The following SCD variants were observed in gnomAD, a reference collection of about 807,000 sequenced individuals.
SCD encodes the protein acyl-CoA desaturase.
A neutral mutation model predicts 35.7 loss-of-function variants in SCD; 4 were observed. The observed-to-expected ratio is 0.11, with a 90% CI of 0.06 to 0.26. The LOEUF (loss-of-function observed/expected upper bound fraction) is 0.26, where lower values mean the gene tolerates loss of function less well. SCD is among the 10% of genes least tolerant of loss of function. The pLI is 1.00. For missense variants in SCD, 282 were observed against 460.7 expected, an observed-to-expected ratio of 0.61 and a Z score of 3.55; for synonymous variants, 150 against 170.2, an observed-to-expected ratio of 0.88 and a Z score of 0.92.
intron 2 of SCD, among the ~76,000 whole-genome samples, chr10:100,350,369 G>A (rs770458286): frequency 2.6e-5 from 4 of 152,106 alleles, no homozygotes; most frequent in Admixed American, 6.5e-5. Flanking sequence ...GCAACTGGTC[G>A]TGATTCCAGC....
At chr10:100,359,577 C>A (rs1849968328) in intron 5 of SCD, among the ~76,000 whole-genome samples, 1 of 152,140 alleles carries the variant, frequency 6.6e-6, no homozygotes. Flanking sequence ...TGGCATTCTA[C>A]CCCCCTCCTC....
At chr10:100,350,683 A>G (rs1365404353) in intron 2 of SCD, among the ~76,000 whole-genome samples, 2 of 152,330 alleles carry the variant, frequency 1.3e-5, no homozygotes, top group South Asian at 2.1e-4. Flanking sequence ...CCCTGTTAAT[A>G]TAGGATCTTA....
In SCD at chr10:100,347,274, A is replaced by G; in HGVS notation, c.-231A>G. The G allele has an allele frequency of 5.1e-6, 3 of 587,492 alleles. No individual in the cohort carries two copies. Among genetic ancestry groups the G allele is most frequent in the Non-Finnish European group, 9.1e-6 (3 of 330,192 alleles). 36.4% of individuals were successfully genotyped at this position (587,492 alleles called of 1,614,324 possible). On this transcript the variant is annotated 5_prime_UTR_variant, in exon 1 of 6. Transcript: ENST00000370355. Reference sequence around the variant, plus strand: ...TTTGCCCCTGCTTGGCAGCGGATAAAAGGGGGCTGAGGAAATACCGGACAC... The same window carrying G: ...TTTGCCCCTGCTTGGCAGCGGATAAGAGGGGGCTGAGGAAATACCGGACAC...
chr10:100,348,102 G>A lies in SCD; in HGVS notation c.66G>A (p.Ala22=), dbSNP rs1284466001. The A allele has an allele frequency of 6.2e-7, 1 of 1,613,624 alleles. No homozygotes were observed. Among genetic ancestry groups the A allele is most frequent in the Admixed American group, 1.7e-5 (1 of 59,978 alleles). ...SSYTTTTTIT[A]PPSRVLQNGG... is the part of the protein sequence containing the mutation. ...ATACCACCACCACCACCATTACAGC[G>A]CCTCCCTCCAGGGTCCTGCAGAATG... Residue 22 remains alanine (A), a synonymous_variant, in exon 2 of 6, where the codon GCG becomes GCA. Coordinates refer to ENST00000370355, the MANE Select transcript of SCD (RefSeq NM_005063.5).
intron 2 of SCD, among the ~76,000 whole-genome samples, chr10:100,350,173 G>A (rs986145188): frequency 6.6e-6 from 1 of 151,962 alleles, no homozygotes; most frequent in Non-Finnish European, 1.5e-5. Context: ...TGGGCCCTTT[G>A]GTGGATGGCT....
chr10:100,354,653 G>T lies in SCD; in HGVS notation c.647+21G>T, dbSNP rs759394895. Reference sequence around the variant, plus strand: ...AGGAGGTGAGTGAAGCCCTGATGGAGGTGGGGATATGGCCCTGGCACCTGG... The same window carrying T: ...AGGAGGTGAGTGAAGCCCTGATGGATGTGGGGATATGGCCCTGGCACCTGG... On this transcript the variant is annotated intron_variant, in intron 4 of 5. Coordinates refer to ENST00000370355, the MANE Select transcript of SCD (RefSeq NM_005063.5). 4 of 1,599,494 alleles carry T rather than the reference G, an allele frequency of 2.5e-6. No homozygotes were observed. The East Asian group carries it at 8.9e-5, about 36-fold the overall frequency.
chr10:100,348,381 C>T (rs200617220), intron 2 of SCD, 35 bp downstream of exon 2: 73 of 1,593,580 alleles, frequency 4.6e-5, no homozygotes, highest in Middle Eastern at 1.7e-4. Flanking sequence ...ACCTAGTCCT[C>T]CAGGTACTCA....
intron 5 of SCD, among the ~76,000 whole-genome samples, chr10:100,359,932 T>C (rs187336330): frequency 6.6e-6 from 1 of 152,340 alleles, no homozygotes; most frequent in East Asian, 1.9e-4. Context: ...TCCAGCAAAG[T>C]GAAATGTTCA....
At chr10:100,354,922 G>A (rs1849912406) in intron 4 of SCD, among the ~76,000 whole-genome samples, 1 of 152,128 alleles carries the variant, frequency 6.6e-6, no homozygotes, top group Non-Finnish European at 1.5e-5. Context: ...AGTTGCCTAG[G>A]TTTGTTTGTT....
chr10:100,358,463 G>A (rs1849952561), intron 5 of SCD, among the ~76,000 whole-genome samples: 1 of 151,654 alleles, frequency 6.6e-6, no homozygotes. Flanking sequence ...GCAGTGGCGG[G>A]CGCCTGTAGT....
In SCD at chr10:100,356,532, G is replaced by A. The variant is rs1234868885; in HGVS notation, c.648G>A (p.Arg216=). 1.2e-6 allele frequency: 2 copies of A among 1,613,070 alleles called. No homozygotes were observed. The highest frequency in any genetic ancestry group is 1.7e-5 in the Admixed American group (1 of 59,992). ...EAEKLVMFQR[R]YYKPGLLMMC... is the part of the protein sequence containing the mutation. ...CCTGGTGTCTGGTCTGTCAATGTAGGTACTACAAACCTGGCTTGCTGATGA... is the reference window on the plus strand; with the variant it reads ...CCTGGTGTCTGGTCTGTCAATGTAGATACTACAAACCTGGCTTGCTGATGA... The change falls in exon 5 of 6, where the codon AGG becomes AGA. Residue 216 remains arginine (R), a splice_region_variant and synonymous_variant. Coordinates refer to ENST00000370355, the MANE Select transcript of SCD (RefSeq NM_005063.5). This position sits in a 1 kb window ranked among gnomAD's most constrained non-coding sequence, Gnocchi z 4.1.
Position 100,356,073 on chromosome 10 carries a change from C to T in SCD, c.648-459C>T, listed in dbSNP as rs1288395615. 1.3e-5 allele frequency among the ~76,000 whole-genome samples: 2 copies of T among 152,118 alleles called. No individual in the cohort carries two copies. Among genetic ancestry groups the T allele is most frequent in the Non-Finnish European group, 2.9e-5 (2 of 68,036 alleles). Reference sequence around the variant, plus strand: ...CCTATCTTACCAATGTGGTATTATGCTCTAGTAAAAAGTCAGCGATGGCCG... The same window carrying T: ...CCTATCTTACCAATGTGGTATTATGTTCTAGTAAAAAGTCAGCGATGGCCG... On this transcript the variant is annotated intron_variant, in intron 4 of 5. Transcript: ENST00000370355. The surrounding 1 kb of genome is among the most constrained non-coding windows in gnomAD (Gnocchi z 4.1).
intron 3 of SCD, among the ~76,000 whole-genome samples, chr10:100,353,024 A>C (rs1849887777): frequency 6.6e-6 from 1 of 152,086 alleles, no homozygotes; most frequent in Admixed American, 6.6e-5. Context: ...GGACTCCACC[A>C]CAGTGGGATT....
Position 100,364,315 on chromosome 10 carries a change from G to GT in SCD, c.*3382_*3383insT, listed in dbSNP as rs1474672483. ...TCTCCAACCACTGTGCCACTGACTTGCTGTGTGACCCTGGGCAAGTCACTT... is the reference window on the plus strand; with the variant it reads ...TCTCCAACCACTGTGCCACTGACTTGTCTGTGTGACCCTGGGCAAGTCACTT... On this transcript the variant is annotated 3_prime_UTR_variant, in exon 6 of 6. Coordinates refer to ENST00000370355, the MANE Select transcript of SCD (RefSeq NM_005063.5). The GT allele has an allele frequency of 6.6e-6, 1 of 152,508 alleles. No individual in the cohort carries two copies. Among genetic ancestry groups the GT allele is most frequent in the East Asian group, 1.9e-4 (1 of 5,190 alleles). 9.4% of individuals were successfully genotyped at this position (152,508 alleles called of 1,614,324 possible).
intron 1 of SCD, 39 bp downstream of exon 1, chr10:100,347,570 G>A (rs1849812727): frequency 6.2e-7 from 1 of 1,612,450 alleles, no homozygotes; most frequent in Non-Finnish European, 8.5e-7. Context: ...CCGGGTCGCA[G>A]GCGCGGGCTG....
intron 4 of SCD, 107 bp downstream of exon 4, chr10:100,354,739 G>A: frequency 2.3e-6 from 2 of 856,382 alleles, no homozygotes; most frequent in Admixed American, 4.9e-5. Context: ...AAATTTGCTG[G>A]GTTTGCATGT....
chr10:100,348,440 A>AACCGGGAGGCTGGGAGG, intron 2 of SCD, 94 bp downstream of exon 2: 2 of 1,292,694 alleles, frequency 1.5e-6, no homozygotes, highest in East Asian at 2.3e-5. Flanking sequence ...AGCCCCTCCC[A>AACCGGGAGGCTGGGAGG]GCCTCCCGGT....
At chr10:100,348,369 T>C in intron 2 of SCD, 23 bp downstream of exon 2, 1 of 1,608,532 alleles carries the variant, frequency 6.2e-7, no homozygotes, top group Non-Finnish European at 8.5e-7. Context: ...CCTGTCCTCC[T>C]GACCTAGTCC....
At chr10:100,355,091 T>C (rs1326013932) in intron 4 of SCD, among the ~76,000 whole-genome samples, 1 of 152,200 alleles carries the variant, frequency 6.6e-6, no homozygotes, top group East Asian at 1.9e-4. Flanking sequence ...CCGCCATGCC[T>C]GGCTAATTTT....
Sources: allele counts gnomAD v4.1 joint callset (sites outside exome capture counted in the v4.1 genomes callset), GRCh38; gene constraint gnomAD v4.1.1; non-coding constraint Gnocchi (gnomAD v3.1); transcripts MANE v1.5; gene names NCBI Gene and HGNC (gene_info 2026-07-23, HGNC 2026-07-21).